Variants in KCNIP4 observed in about 807,000 individuals in gnomAD.
KCNIP4 encodes potassium voltage-gated channel interacting protein 4.
A neutral mutation model predicts 34.0 loss-of-function variants in KCNIP4; 12 were observed. The ratio of observed to expected loss-of-function variants is 0.35; its 90% CI spans 0.23 to 0.57. KCNIP4 has a LOEUF of 0.57. Among genes scored for constraint, KCNIP4 ranks in the 20% least tolerant of loss-of-function variants. The pLI is 0.83. For synonymous variants in KCNIP4, 124 were observed against 102.2 expected (o/e 1.21, Z -1.29); for missense variants, 238 against 311.7 (o/e 0.76, Z 1.78).
At chr4:21,360,880 G>A (rs1232943614) in intron 1 of KCNIP4, among the ~76,000 whole-genome samples, 1 of 152,072 alleles carries the variant, frequency 6.6e-6, no homozygotes, top group African/African-American at 2.4e-5. Flanking sequence ...GAGGCCAGGT[G>A]TCAATATTCC....
intron 1 of KCNIP4, among the ~76,000 whole-genome samples, chr4:21,225,010 G>T (rs1328491454): frequency 6.6e-6 from 1 of 152,108 alleles, no homozygotes; most frequent in Non-Finnish European, 1.5e-5. Flanking sequence ...ACATCATCTT[G>T]CTCTAGTGTG....
intron 1 of KCNIP4, among the ~76,000 whole-genome samples, chr4:21,462,189 C>A (rs1729517090): frequency 6.6e-6 from 1 of 152,018 alleles, no homozygotes. Flanking sequence ...CATTTTCTAC[C>A]CATTCCCCTT....
At chr4:21,337,893 C>T (rs1248615040) in intron 1 of KCNIP4, among the ~76,000 whole-genome samples, 1 of 152,026 alleles carries the variant, frequency 6.6e-6, no homozygotes, top group Non-Finnish European at 1.5e-5. Flanking sequence ...AATAAAATAC[C>T]TAAATCAATT....
chr4:20,747,493 T>C (rs776376556), intron 5 of KCNIP4, among the ~76,000 whole-genome samples: 1 of 152,146 alleles, frequency 6.6e-6, no homozygotes, highest in Non-Finnish European at 1.5e-5. Flanking sequence ...TGACCTAAGC[T>C]GCCATTAGCA....
chr4:21,847,194 C>T (rs1434465465), intron 1 of KCNIP4: 1 of 152,058 alleles, frequency 6.6e-6, no homozygotes, highest in Admixed American at 6.5e-5. Flanking sequence ...ACTTGATCTC[C>T]ATTTTATAAT....
intron 1 of KCNIP4, among the ~76,000 whole-genome samples, chr4:21,867,370 A>T (rs529155600): frequency 2.0e-4 from 30 of 152,236 alleles, no homozygotes; most frequent in Non-Finnish European, 3.8e-4. Flanking sequence ...GAAAGCAAGT[A>T]TACCAACTTT....
Position 21,832,579 on chromosome 4 carries a change from T to G in KCNIP4, c.61+115992A>C, listed in dbSNP as rs577850925. 5.6e-3 allele frequency among the ~76,000 whole-genome samples: 198 copies of G among 35,394 alleles called. 1 individual carries two copies. Among genetic ancestry groups the G allele is most frequent in the Admixed American group, 0.026 (64 of 2,420 alleles). 23.2% of individuals were successfully genotyped at this position (35,394 alleles called of 152,430 possible). A position where few individuals can be genotyped will look rare whatever the true frequency, so the allele number is the denominator to read the frequency against. ...ATTAAATTCTTTTTTGTTTTTATTT[T>G]TTTTATTTTTTTTTTTATTATTATC... On this transcript the variant is annotated intron_variant, in intron 1 of 8. Transcript: ENST00000382152.
chr4:20,940,147 C>T (rs1206325476), intron 1 of KCNIP4, among the ~76,000 whole-genome samples: 1 of 152,158 alleles, frequency 6.6e-6, no homozygotes, highest in Non-Finnish European at 1.5e-5. Context: ...TCTGTTACTT[C>T]TACTTGCAAT....
At chr4:21,562,701 C>G (rs1404543717) in intron 1 of KCNIP4, among the ~76,000 whole-genome samples, 1 of 151,930 alleles carries the variant, frequency 6.6e-6, no homozygotes, top group Non-Finnish European at 1.5e-5. Flanking sequence ...AGGCCAACAA[C>G]AAAAGCAAAC....
chr4:21,685,920 T>C lies in KCNIP4; in HGVS notation c.61+262651A>G, dbSNP rs190652727. 4.4e-3 allele frequency among the ~76,000 whole-genome samples: 663 copies of C among 152,350 alleles called. 5 individuals are homozygous for C. Among genetic ancestry groups the C allele is most frequent in the Non-Finnish European group, 7.6e-3 (519 of 68,038 alleles). On this transcript the variant is annotated intron_variant, in intron 1 of 8. Coordinates refer to ENST00000382152, the MANE Select transcript of KCNIP4 (RefSeq NM_025221.6). ...TGTATTTGGGAACATACCCAGCACT[T>C]GGCTGTATAGTTTCCCTTGGGGGAA...
At chr4:21,918,861 T>A (rs1355807) in intron 1 of KCNIP4, among the ~76,000 whole-genome samples, 38,497 of 152,030 alleles carry the variant, frequency 0.25, 5,690 homozygotes, top group East Asian at 0.61. Context: ...AAACCCAAAA[T>A]CTAGCCACGC....
chr4:21,805,961 G>C (rs1721268070), intron 1 of KCNIP4, among the ~76,000 whole-genome samples: 1 of 152,160 alleles, frequency 6.6e-6, no homozygotes, highest in Non-Finnish European at 1.5e-5. Context: ...AAGAATGTAG[G>C]TTACAAATGG....
At chr4:21,578,205 G>A (rs1410527926) in intron 1 of KCNIP4, among the ~76,000 whole-genome samples, 1 of 151,776 alleles carries the variant, frequency 6.6e-6, no homozygotes, top group Non-Finnish European at 1.5e-5. Context: ...GTGGTAGCGG[G>A]CACCTGTAAT....
intron 1 of KCNIP4, among the ~76,000 whole-genome samples, chr4:21,205,226 C>T (rs1756767768): frequency 1.3e-5 from 2 of 152,104 alleles, no homozygotes; most frequent in Non-Finnish European, 2.9e-5. Context: ...TCTGAGAGCA[C>T]GTTCTAAGTT....
At chr4:20,760,407 C>T (rs1249362886) in intron 3 of KCNIP4, among the ~76,000 whole-genome samples, 1 of 152,128 alleles carries the variant, frequency 6.6e-6, no homozygotes. Flanking sequence ...ATCACTTAAC[C>T]CTTAAAATCA....
intron 1 of KCNIP4, among the ~76,000 whole-genome samples, chr4:21,550,870 GAC>G (rs1193467569): frequency 1.4e-4 from 21 of 152,204 alleles, no homozygotes; most frequent in Admixed American, 5.2e-4. Flanking sequence ...AAGCCAGCAT[GAC>G]ACAGTGCCAT....
At chr4:20,917,666 G>A (rs537130011) in intron 1 of KCNIP4, among the ~76,000 whole-genome samples, 1 of 152,282 alleles carries the variant, frequency 6.6e-6, no homozygotes, top group East Asian at 1.9e-4. Flanking sequence ...CACAGTCTAA[G>A]CTGACATCTC....
At chr4:21,896,684 C>T (rs1367546636) in intron 1 of KCNIP4, among the ~76,000 whole-genome samples, 3 of 152,044 alleles carry the variant, frequency 2.0e-5, no homozygotes, top group African/African-American at 7.2e-5. Flanking sequence ...TTTGGGAGGC[C>T]GAGGCAGGCA....
chr4:20,881,386 C>A (rs535963708), intron 2 of KCNIP4, among the ~76,000 whole-genome samples: 7 of 152,050 alleles, frequency 4.6e-5, no homozygotes, highest in Non-Finnish European at 7.4e-5. Flanking sequence ...GTATAAAAAG[C>A]GAGTAGGTGG....
Sources: allele counts gnomAD v4.1 joint callset (sites outside exome capture counted in the v4.1 genomes callset), GRCh38; gene constraint gnomAD v4.1.1; transcripts MANE v1.5; gene names NCBI Gene and HGNC (gene_info 2026-07-23, HGNC 2026-07-21).